LMBR1L: variants seen among roughly 807,000 people sequenced by gnomAD.
LMBR1L encodes the protein protein LMBR1L.
A neutral mutation model predicts 67.3 loss-of-function variants in LMBR1L; 47 were observed. The observed-to-expected ratio is 0.70, with a 90% CI of 0.55 to 0.89. LMBR1L has a LOEUF of 0.89. LMBR1L is among the 40% of genes least tolerant of loss of function. The pLI is 0.00. For synonymous variants in LMBR1L, 247 were observed against 250.3 expected (o/e 0.99, Z 0.13); for missense variants, 533 against 599.2 (o/e 0.89, Z 1.15).
chr12:49,106,763 T>C (rs1258969901), intron 2 of LMBR1L, 198 bp downstream of exon 2: 1 of 841,790 alleles, frequency 1.2e-6, no homozygotes, highest in South Asian at 1.4e-5. Flanking sequence ...ATCAGAAATG[T>C]TATATGACTT....
Position 49,102,781 on chromosome 12 carries a change from T to A in LMBR1L, c.696+106A>T. The A allele has an allele frequency of 5.6e-6, 6 of 1,078,270 alleles. 1 individual carries two copies. The South Asian group carries it at 7.9e-5, about 14-fold the overall frequency. The allele number at this position is 1,078,270 out of a possible 1,614,324, so 66.8% of individuals were successfully genotyped here. A position where few individuals can be genotyped will look rare whatever the true frequency, so the allele number is the denominator to read the frequency against. ...TACAGGAACCAACAAAGGCTGTAGC[T>A]CTCTGCAAGTTGTGTACTACACAAC... is the stretch of plus-strand genomic sequence containing the variant. On this transcript the variant is annotated intron_variant, in intron 8 of 16. Coordinates refer to ENST00000267102, the MANE Select transcript of LMBR1L (RefSeq NM_018113.4).
intron 15 of LMBR1L, among the ~76,000 whole-genome samples, chr12:49,098,977 ACTTT>A (rs1317306588): frequency 7.0e-6 from 1 of 143,594 alleles, no homozygotes; most frequent in Non-Finnish European, 1.5e-5. Context: ...AATTAAAAAC[ACTTT>A]TTTTTTTTTT....
chr12:49,110,366 C>G, intron 1 of LMBR1L, 118 bp downstream of exon 1: 1 of 958,510 alleles, frequency 1.0e-6, no homozygotes, highest in Non-Finnish European at 1.7e-6. Flanking sequence ...CGGAGGCCTC[C>G]GTCGCCCGCC....
intron 1 of LMBR1L, 125 bp downstream of exon 1, chr12:49,110,359 A>G (rs1433377283): frequency 1.2e-6 from 1 of 857,482 alleles, no homozygotes; most frequent in Non-Finnish European, 1.9e-6. Flanking sequence ...GCCCGGACGG[A>G]GGCCTCCGTC....
intron 2 of LMBR1L, chr12:49,106,726 C>T (rs10747561): frequency 0.36 from 338,063 of 936,978 alleles, 65,786 homozygotes; most frequent in East Asian, 0.7. Flanking sequence ...GACATTGTTA[C>T]GCCCATTTTG....
intron 2 of LMBR1L, chr12:49,106,289 A>T (rs1159296180): frequency 2.5e-6 from 1 of 400,490 alleles, no homozygotes; most frequent in Non-Finnish European, 4.7e-6. Context: ...GGTTGGTTAC[A>T]TCAGTGGCTG....
At position 49,097,443 on chromosome 12, in the gene LMBR1L, G is replaced by A. The variant is rs1291494720; in HGVS notation, c.*229C>T. 3.5e-6 allele frequency: 2 copies of A among 569,724 alleles called. No individual in the cohort carries two copies. Among genetic ancestry groups the A allele is most frequent in the Non-Finnish European group, 6.3e-6 (2 of 316,794 alleles). 35.3% of individuals were successfully genotyped at this position (569,724 alleles called of 1,614,324 possible). A position where few individuals can be genotyped will look rare whatever the true frequency, so the allele number is the denominator to read the frequency against. On this transcript the variant is annotated 3_prime_UTR_variant, in exon 17 of 17. Coordinates refer to ENST00000267102, the MANE Select transcript of LMBR1L (RefSeq NM_018113.4). ...GATTTGGGATCAGGGGCTAGACCCAGTCACCCAGCCCTACCCCATGCTGAG... is the reference window on the plus strand; with the variant it reads ...GATTTGGGATCAGGGGCTAGACCCAATCACCCAGCCCTACCCCATGCTGAG...
rs1415918968 is a variant in LMBR1L at position 49,101,495 on chromosome 12, C to T, written c.985G>A (p.Ala329Thr). 3 of 1,614,018 alleles carry T rather than the reference C, an allele frequency of 1.9e-6. No homozygotes were observed. Among genetic ancestry groups the T allele is most frequent in the Non-Finnish European group, 2.5e-6 (3 of 1,179,960 alleles). The change falls in exon 12 of 17, where the codon GCT becomes ACT. Residue 329 changes from alanine (A) to threonine (T), a missense_variant. Ala to Thr is a moderately conservative substitution (Grantham distance 58). This residue lies in a region of LMBR1L where 223 missense variants were observed against 241.2 expected (regional missense o/e 0.92). Coordinates refer to ENST00000267102, the MANE Select transcript of LMBR1L (RefSeq NM_018113.4). ...IHILELLIDE[A>T]AMPRGMQGTS... The stretch of plus-strand genomic sequence containing the variant: ...ACCTGCATGCCTCGGGGCATGGCAG[C>T]CTCATCGATGAGCAGCTCCAGGATG...
At chr12:49,105,411 C>T (rs552804390) in intron 3 of LMBR1L, among the ~76,000 whole-genome samples, 1 of 152,276 alleles carries the variant, frequency 6.6e-6, no homozygotes, top group East Asian at 1.9e-4. Context: ...AAGATGGGCA[C>T]TTCTAGCTCT....
In LMBR1L at chr12:49,109,750, T is replaced by G. The variant is rs145039498; in HGVS notation, c.72+734A>C. On this transcript the variant is annotated intron_variant, in intron 1 of 16. Coordinates refer to ENST00000267102, the MANE Select transcript of LMBR1L (RefSeq NM_018113.4). ...ACCCCAGAATTGAGTAGTCCACTTC[T>G]GTGCGCAAGGTTCAGTTGTCGCTCT... 442 of 456,538 alleles carry G rather than the reference T, an allele frequency of 9.7e-4. 1 individual carries two copies. The highest frequency in any genetic ancestry group is 8.0e-3 in the African/African-American group (402 of 50,170). 28.3% of individuals were successfully genotyped at this position (456,538 alleles called of 1,614,324 possible). A position where few individuals can be genotyped will look rare whatever the true frequency, so the allele number is the denominator to read the frequency against.
At chr12:49,104,964 G>A in intron 3 of LMBR1L, 79 bp from the exon 4 acceptor site, 1 of 1,482,860 alleles carries the variant, frequency 6.7e-7, no homozygotes, top group Non-Finnish European at 9.1e-7. Flanking sequence ...TTTGTCCTGA[G>A]GGCGCCTGTG....
At chr12:49,108,493 C>T (rs1445507624) in intron 1 of LMBR1L, among the ~76,000 whole-genome samples, 4 of 129,842 alleles carry the variant, frequency 3.1e-5, no homozygotes, top group Non-Finnish European at 6.2e-5. Context: ...ACCCGGGAGG[C>T]GGAGGTTGTA....
intron 1 of LMBR1L, among the ~76,000 whole-genome samples, chr12:49,107,791 G>A (rs1036808642): frequency 4.6e-5 from 7 of 152,204 alleles, no homozygotes; most frequent in African/African-American, 1.4e-4. Context: ...AGCTGCTGCT[G>A]CCCAGAGGAG....
At chr12:49,104,409 G>A (rs755448077) in intron 5 of LMBR1L, 39 bp downstream of exon 5, 7 of 1,374,116 alleles carry the variant, frequency 5.1e-6, no homozygotes, top group Non-Finnish European at 5.2e-6. Flanking sequence ...CATGTGTGTG[G>A]AATTCCGTTT....
intron 10 of LMBR1L, 42 bp from the exon 11 acceptor site, chr12:49,102,238 G>A (rs1940287088): frequency 1.2e-6 from 2 of 1,613,502 alleles, no homozygotes; most frequent in South Asian, 1.1e-5. Context: ...CCTGGAACCA[G>A]GGGCTACTCT....
chr12:49,097,479 A>C lies in LMBR1L; in HGVS notation c.*193T>G. 1 of 609,932 alleles carries C rather than the reference A, an allele frequency of 1.6e-6. No individual in the cohort carries two copies. The highest frequency in any genetic ancestry group is 2.9e-5 in the Admixed American group (1 of 34,944). 37.8% of individuals were successfully genotyped at this position (609,932 alleles called of 1,614,324 possible). ...CTACCCCATGCTGAGGCCACAGTTA[A>C]GTATGGAAAAGCAGGAGGTCCTGGT... On this transcript the variant is annotated 3_prime_UTR_variant, in exon 17 of 17. Transcript: ENST00000267102.
intron 1 of LMBR1L, chr12:49,110,236 GA>G (rs1397625814): frequency 5.0e-5 from 28 of 565,300 alleles, no homozygotes; most frequent in African/African-American, 4.8e-4. Flanking sequence ...GGGTGGGAGG[GA>G]GGGGCAGGGG....
chr12:49,100,330 T>TA, intron 15 of LMBR1L, 58 bp downstream of exon 15: 1 of 1,329,648 alleles, frequency 7.5e-7, no homozygotes. Context: ...GTGCCTGCTT[T>TA]GCATCAGTAA....
intron 5 of LMBR1L, 30 bp downstream of exon 5, chr12:49,104,418 T>C: frequency 6.9e-7 from 1 of 1,449,986 alleles, no homozygotes; most frequent in Non-Finnish European, 9.7e-7. Flanking sequence ...GGAATTCCGT[T>C]TCCTGCCTGG....
Sources: allele counts gnomAD v4.1 joint callset (sites outside exome capture counted in the v4.1 genomes callset), GRCh38; gene constraint gnomAD v4.1.1; regional missense constraint gnomAD v4.1.1; transcripts MANE v1.5; gene names NCBI Gene and HGNC (gene_info 2026-07-23, HGNC 2026-07-21).